ERC1: variants seen among roughly 807,000 people sequenced by gnomAD.
The protein encoded by ERC1 is RAB6 interacting protein 2.
In ERC1, 56 loss-of-function variants were observed where a neutral mutation model predicts 132.0. The observed-to-expected ratio is 0.42, with a 90% CI of 0.34 to 0.53. The LOEUF is 0.53. Among genes scored for constraint, ERC1 ranks in the 20% least tolerant of loss-of-function variants. The probability of loss-of-function intolerance (pLI) is 0.03; values close to 1 mark genes in which losing one functional copy is unlikely to be tolerated. For missense variants in ERC1, 1,202 were observed against 1,349.9 expected (o/e 0.89, Z 1.72); for synonymous variants, 478 against 476.1 (o/e 1.00, Z -0.05).
chr12:1,387,699 G>A (rs1214435532), intron 16 of ERC1, among the ~76,000 whole-genome samples: 1 of 152,186 alleles, frequency 6.6e-6, no homozygotes, highest in African/African-American at 2.4e-5. Flanking sequence ...AAGGAAGGAT[G>A]CTCCCTTAGC....
chr12:1,119,266 T>TG (rs796740059), intron 7 of ERC1, among the ~76,000 whole-genome samples: 6,655 of 122,710 alleles, frequency 0.054, 500 homozygotes, highest in African/African-American at 0.19. Flanking sequence ...TTGTTTTTTT[T>TG]GTTTTTTTTT....
intron 13 of ERC1, among the ~76,000 whole-genome samples, chr12:1,243,598 AT>A (rs1566363176): frequency 6.6e-6 from 1 of 152,198 alleles, no homozygotes; most frequent in Non-Finnish European, 1.5e-5. Flanking sequence ...TTTGTGAGAA[AT>A]TTGCCTCGTG....
intron 15 of ERC1, among the ~76,000 whole-genome samples, chr12:1,345,431 C>A (rs112247566): frequency 6.6e-6 from 1 of 152,246 alleles, no homozygotes; most frequent in East Asian, 1.9e-4. Context: ...GATCTGCCCG[C>A]CTCGGCCTCC....
chr12:1,144,745 A>G (rs916778479), intron 8 of ERC1, among the ~76,000 whole-genome samples: 5 of 150,356 alleles, frequency 3.3e-5, no homozygotes, highest in Non-Finnish European at 5.9e-5. Context: ...CGAATGTGCT[A>G]TTATAAACAT....
At chr12:1,185,314 A>C (rs758739172) in intron 11 of ERC1, among the ~76,000 whole-genome samples, 1 of 151,986 alleles carries the variant, frequency 6.6e-6, no homozygotes, top group Non-Finnish European at 1.5e-5. Context: ...TGCTGGGAGC[A>C]AGGCCACTAT....
At chr12:1,060,186 A>G (rs866499038) in intron 2 of ERC1, among the ~76,000 whole-genome samples, 1 of 99,330 alleles carries the variant, frequency 1.0e-5, no homozygotes. Context: ...TTTTTTTTTT[A>G]CTATTATACT....
chr12:1,261,101 A>C (rs2077114241), intron 13 of ERC1, among the ~76,000 whole-genome samples: 1 of 152,156 alleles, frequency 6.6e-6, no homozygotes, highest in African/African-American at 2.4e-5. Flanking sequence ...TTTCTCCCTA[A>C]AAGTTTTTTA....
intron 18 of ERC1, among the ~76,000 whole-genome samples, chr12:1,466,237 G>T (rs2093740702): frequency 6.6e-6 from 1 of 152,090 alleles, no homozygotes; most frequent in Non-Finnish European, 1.5e-5. Flanking sequence ...TGTATACATG[G>T]CTGCCTGCTC....
intron 16 of ERC1, among the ~76,000 whole-genome samples, chr12:1,399,996 A>G (rs2090883585): frequency 6.6e-6 from 1 of 152,208 alleles, no homozygotes; most frequent in Non-Finnish European, 1.5e-5. Context: ...ACCACTCTAC[A>G]ATCCCACCAG....
intron 7 of ERC1, among the ~76,000 whole-genome samples, chr12:1,130,929 C>T (rs1263753350): frequency 1.3e-5 from 2 of 151,842 alleles, no homozygotes; most frequent in African/African-American, 4.8e-5. Flanking sequence ...TTAGTTTGGG[C>T]CTTGATTTTT....
chr12:1,419,966 T>G (rs2092358051), intron 17 of ERC1, among the ~76,000 whole-genome samples: 1 of 152,144 alleles, frequency 6.6e-6, no homozygotes, highest in Admixed American at 6.5e-5. Flanking sequence ...GGTAAACATT[T>G]CAAGGTTTTG....
intron 13 of ERC1, among the ~76,000 whole-genome samples, chr12:1,247,254 A>AGAAAGGACATTGGTGGAAAAACAAT (rs754062062): frequency 6.6e-6 from 1 of 152,218 alleles, no homozygotes; most frequent in African/African-American, 2.4e-5. Flanking sequence ...AAATCCGGAA[A>AGAAAGGACATTGGTGGAAAAACAAT]GAAAGGACAT....
At chr12:1,062,366 C>T (rs1018650858) in intron 2 of ERC1, among the ~76,000 whole-genome samples, 6 of 152,192 alleles carry the variant, frequency 3.9e-5, no homozygotes, top group Middle Eastern at 3.4e-3. Flanking sequence ...AAGCCATCTG[C>T]GTGCCTCAGT....
intron 2 of ERC1, among the ~76,000 whole-genome samples, chr12:1,039,767 A>G (rs1038132806): frequency 6.6e-6 from 1 of 152,246 alleles, no homozygotes; most frequent in Admixed American, 6.5e-5. Context: ...GTACATGCAT[A>G]TAGATGTTAT....
In ERC1 at chr12:1,122,556, T is replaced by TGTGC. The variant is rs1947613758; in HGVS notation, c.1569+6523_1569+6524insGTGC. Among the ~76,000 whole-genome samples, 6 of 76,884 alleles carry TGTGC rather than the reference T, an allele frequency of 7.8e-5. 2 individuals are homozygous for TGTGC. The highest frequency in any genetic ancestry group is 4.5e-4 in the African/African-American group (6 of 13,216). 50.4% of individuals were successfully genotyped at this position (76,884 alleles called of 152,430 possible). On this transcript the variant is annotated intron_variant, in intron 7 of 18. Transcript: ENST00000360905. ...CTCTATCTCTATCTGTGTCTCTATCTCTATCTCTATCTGTGTCTCTATCTC... is the reference window on the plus strand; with the variant it reads ...CTCTATCTCTATCTGTGTCTCTATCTGTGCCTATCTCTATCTGTGTCTCTATCTC...
chr12:1,019,918 T>A (rs1299661449), intron 1 of ERC1, among the ~76,000 whole-genome samples: 2 of 151,880 alleles, frequency 1.3e-5, no homozygotes, highest in African/African-American at 2.4e-5. Flanking sequence ...TTTTTTTTTT[T>A]ATTTTTAAAT....
At chr12:1,093,920 T>A (rs1473376143) in intron 3 of ERC1, among the ~76,000 whole-genome samples, 2 of 122,152 alleles carry the variant, frequency 1.6e-5, no homozygotes, top group African/African-American at 3.0e-5. Context: ...TTTCTATATA[T>A]AAATGTATAT....
At chr12:1,144,510 T>C (rs1240013189) in intron 8 of ERC1, among the ~76,000 whole-genome samples, 1 of 151,594 alleles carries the variant, frequency 6.6e-6, no homozygotes, top group African/African-American at 2.4e-5. Flanking sequence ...TGTTTGGTTT[T>C]CCATTCCTGA....
At chr12:1,185,364 G>C (rs1012878300) in intron 11 of ERC1, among the ~76,000 whole-genome samples, 1 of 151,332 alleles carries the variant, frequency 6.6e-6, no homozygotes, top group Non-Finnish European at 1.5e-5. Flanking sequence ...AATGCTTAAT[G>C]CTTTTTTTTT....
Sources: gnomAD v4.1 joint callset for allele counts (sites outside exome capture counted in the v4.1 genomes callset) on GRCh38, gnomAD v4.1.1 for gene constraint, MANE v1.5 for transcripts, NCBI Gene and HGNC (gene_info 2026-07-23, HGNC 2026-07-21) for gene names.